Variants in PPARGC1A observed in about 807,000 individuals in gnomAD.
PPARGC1A encodes the protein peroxisome proliferator-activated receptor gamma coactivator 1-alpha.
In PPARGC1A, 25 loss-of-function variants were observed where a neutral mutation model predicts 88.7. The observed-to-expected ratio is 0.28, with a 90% confidence interval of 0.21 to 0.39. The LOEUF (loss-of-function observed/expected upper bound fraction) is 0.39, where lower values mean the gene tolerates loss of function less well. Among genes scored for constraint, PPARGC1A ranks in the 10% least tolerant of loss-of-function variants. PPARGC1A has a pLI of 1.00. For synonymous variants in PPARGC1A, 363 were observed against 355.6 expected, an observed-to-expected ratio of 1.02 and a Z score of -0.24; for missense variants, 880 against 968.7, an observed-to-expected ratio of 0.91 and a Z score of 1.22.
At chr4:24,270,608 C>A in the PPARGC1A span, among the ~76,000 whole-genome samples, 3 of 152,054 alleles carry the variant, frequency 2.0e-5, no homozygotes, top group African/African-American at 4.8e-5. Context: ...CTCTTTAATT[C>A]TCTGCATTCC....
chr4:23,871,264 A>T (rs539720270), intron 2 of PPARGC1A, among the ~76,000 whole-genome samples: 1 of 151,730 alleles, frequency 6.6e-6, no homozygotes, highest in African/African-American at 2.4e-5. Flanking sequence ...ACTGACACAA[A>T]GTCCTTCAGG....
At chr4:24,233,348 T>C in the PPARGC1A span, among the ~76,000 whole-genome samples, 1 of 152,152 alleles carries the variant, frequency 6.6e-6, no homozygotes, top group Non-Finnish European at 1.5e-5. Flanking sequence ...TAAAGAGTTC[T>C]CTCTCTGTCT....
the PPARGC1A span, among the ~76,000 whole-genome samples, chr4:24,079,170 C>T: frequency 5.9e-5 from 9 of 151,868 alleles, no homozygotes; most frequent in Admixed American, 3.3e-4. Context: ...AATATTAAGT[C>T]AAGTATTTTA....
the PPARGC1A span, among the ~76,000 whole-genome samples, chr4:24,041,506 G>A: frequency 3.9e-5 from 6 of 152,076 alleles, no homozygotes; most frequent in African/African-American, 7.2e-5. Flanking sequence ...CCCATATCTC[G>A]AAAATAGTCT....
the PPARGC1A span, among the ~76,000 whole-genome samples, chr4:24,258,828 C>A: frequency 9.8e-5 from 15 of 152,292 alleles, no homozygotes; most frequent in African/African-American, 3.6e-4. Context: ...TAGGACATCC[C>A]ATCCTTTCTA....
the PPARGC1A span, among the ~76,000 whole-genome samples, chr4:24,017,493 A>G: frequency 3.9e-5 from 6 of 152,128 alleles, no homozygotes; most frequent in Non-Finnish European, 7.4e-5. Flanking sequence ...AGACAGATCA[A>G]AAAAAGATGG....
the PPARGC1A span, among the ~76,000 whole-genome samples, chr4:24,445,614 G>T: frequency 6.6e-6 from 1 of 152,190 alleles, no homozygotes; most frequent in Non-Finnish European, 1.5e-5. Flanking sequence ...GGTAAGTCAA[G>T]ATCACATCTG....
chr4:24,130,768 C>T, the PPARGC1A span, among the ~76,000 whole-genome samples: 1 of 152,034 alleles, frequency 6.6e-6, no homozygotes, highest in South Asian at 2.1e-4. Flanking sequence ...AGAAATTAAC[C>T]CATGCCACAA....
the PPARGC1A span, among the ~76,000 whole-genome samples, chr4:24,471,251 C>G: frequency 6.6e-6 from 1 of 152,014 alleles, no homozygotes; most frequent in Non-Finnish European, 1.5e-5. This position sits in a 1 kb window ranked among gnomAD's most constrained non-coding sequence, Gnocchi z 5.4. Context: ...TAATGCCTTT[C>G]ACCATTGCTC....
At chr4:24,172,542 G>A in the PPARGC1A span, among the ~76,000 whole-genome samples, 20 of 152,322 alleles carry the variant, frequency 1.3e-4, no homozygotes, top group East Asian at 3.3e-3. Flanking sequence ...AGGGAGGAGA[G>A]TAGAGGGCTT....
At chr4:24,010,037 A>G in the PPARGC1A span, among the ~76,000 whole-genome samples, 1 of 152,164 alleles carries the variant, frequency 6.6e-6, no homozygotes, top group Non-Finnish European at 1.5e-5. Flanking sequence ...GGTTGGTTGA[A>G]TAAGGGAATC....
At chr4:23,823,093 T>G (rs920010753) in intron 7 of PPARGC1A, among the ~76,000 whole-genome samples, 1 of 148,612 alleles carries the variant, frequency 6.7e-6, no homozygotes. Flanking sequence ...TGTAAATGAA[T>G]GAAATGTGAG....
chr4:24,018,392 A>G, the PPARGC1A span, among the ~76,000 whole-genome samples: 3 of 152,188 alleles, frequency 2.0e-5, no homozygotes, highest in African/African-American at 7.2e-5. Flanking sequence ...TTTGAAAATG[A>G]CAACTAGTCT....
At chr4:23,925,499 T>C in the PPARGC1A span, among the ~76,000 whole-genome samples, 1 of 152,194 alleles carries the variant, frequency 6.6e-6, no homozygotes, top group Non-Finnish European at 1.5e-5. Flanking sequence ...ATCTGCTCTG[T>C]GCTAGACTCT....
the PPARGC1A span, among the ~76,000 whole-genome samples, chr4:23,918,217 T>A: frequency 7.2e-6 from 1 of 139,492 alleles, no homozygotes; most frequent in East Asian, 2.3e-4. Context: ...TAATTTAAAT[T>A]CTTTTTTTTT....
the PPARGC1A span, among the ~76,000 whole-genome samples, chr4:24,445,061 AG>A: frequency 1.3e-5 from 2 of 149,940 alleles, no homozygotes; most frequent in Non-Finnish European, 3.0e-5. Context: ...TCAAAAAAAA[AG>A]AGAGAGAGAG....
upstream of PPARGC1A, among the ~76,000 whole-genome samples, chr4:23,904,353 C>G (rs1719781970): frequency 6.6e-6 from 1 of 152,174 alleles, no homozygotes; most frequent in South Asian, 2.1e-4. Context: ...TTCAGAGGCA[C>G]TAAGTAAATA....
chr4:24,186,884 ACT>A, the PPARGC1A span, among the ~76,000 whole-genome samples: 3 of 152,230 alleles, frequency 2.0e-5, no homozygotes, highest in Admixed American at 6.5e-5. Context: ...TCCTGGAACC[ACT>A]GAGGCTGCTT....
At chr4:24,000,157 C>A in the PPARGC1A span, among the ~76,000 whole-genome samples, 3 of 151,812 alleles carry the variant, frequency 2.0e-5, no homozygotes, top group African/African-American at 7.3e-5. Context: ...TTGTGAATGA[C>A]AACAATGTCT....
Sources: gnomAD v4.1 joint callset for allele counts (sites outside exome capture counted in the v4.1 genomes callset) on GRCh38, gnomAD v4.1.1 for gene constraint, Gnocchi (gnomAD v3.1) non-coding constraint, MANE v1.5 for transcripts, NCBI Gene and HGNC (gene_info 2026-07-23, HGNC 2026-07-21) for gene names.